The following AGBL1 variants were observed in gnomAD, a reference collection of about 807,000 sequenced individuals.
AGBL1 encodes the protein cytosolic carboxypeptidase 4.
AGBL1 carries 130 observed loss-of-function variants against 118.9 expected under a neutral mutation model. The ratio of observed to expected loss-of-function variants is 1.09; its 90% confidence interval spans 0.95 to 1.26. The LOEUF (loss-of-function observed/expected upper bound fraction) is 1.26. AGBL1 is among the 50% of genes most tolerant of loss of function. The pLI, the probability that AGBL1 is intolerant of heterozygous loss-of-function variation, is 0.00. For synonymous variants in AGBL1, 555 were observed against 478.9 expected (o/e 1.16, Z -2.08); for missense variants, 1,584 against 1,298.1 (o/e 1.22, Z -3.38).
intron 21 of AGBL1, among the ~76,000 whole-genome samples, chr15:86,592,118 C>T (rs1477730772): frequency 6.6e-6 from 1 of 152,144 alleles, no homozygotes; most frequent in Non-Finnish European, 1.5e-5. Context: ...AATTTGATCA[C>T]TTGGTTAAAG....
intron 22 of AGBL1, among the ~76,000 whole-genome samples, chr15:86,827,938 C>CTTTT (rs71144074): frequency 0.011 from 192 of 16,758 alleles, 54 homozygotes; most frequent in Middle Eastern, 0.1. Flanking sequence ...TGATGTAGGG[C>CTTTT]TTTTTTTTTT....
intron 20 of AGBL1, 119 bp downstream of exon 20, chr15:86,546,252 A>C: frequency 8.6e-7 from 1 of 1,163,254 alleles, no homozygotes; most frequent in Non-Finnish European, 1.1e-6. Flanking sequence ...TAAGCATTTT[A>C]ATTATTCTAA....
intron 22 of AGBL1, among the ~76,000 whole-genome samples, chr15:86,720,583 C>T (rs1031082521): frequency 2.0e-5 from 3 of 152,172 alleles, no homozygotes; most frequent in Non-Finnish European, 2.9e-5. Context: ...CTTTTCATTG[C>T]TCTGGTCAGG....
At chr15:86,135,098 G>A (rs1232464344) in intron 1 of AGBL1, among the ~76,000 whole-genome samples, 3 of 152,110 alleles carry the variant, frequency 2.0e-5, no homozygotes, top group Non-Finnish European at 4.4e-5. Context: ...TGGATCGTAG[G>A]GGCAGATCCC....
intron 18 of AGBL1, among the ~76,000 whole-genome samples, chr15:86,512,151 T>C (rs1271424257): frequency 3.3e-5 from 5 of 152,002 alleles, no homozygotes; most frequent in Admixed American, 2.6e-4. Context: ...GTCTTTAAAG[T>C]GCTGAATGTC....
intron 5 of AGBL1, among the ~76,000 whole-genome samples, chr15:86,164,914 G>A (rs1434582601): frequency 6.6e-6 from 1 of 152,160 alleles, no homozygotes; most frequent in Non-Finnish European, 1.5e-5. Context: ...CAGGAAGTCA[G>A]GAAGTGTTTT....
At chr15:86,484,199 T>A (rs1222976390) in intron 18 of AGBL1, among the ~76,000 whole-genome samples, 1 of 152,098 alleles carries the variant, frequency 6.6e-6, no homozygotes, top group African/African-American at 2.4e-5. Flanking sequence ...TGTGTGTAAT[T>A]GAGAACCTGT....
chr15:86,945,635 T>A (rs1300397746), intron 23 of AGBL1, among the ~76,000 whole-genome samples: 2 of 152,178 alleles, frequency 1.3e-5, no homozygotes, highest in African/African-American at 4.8e-5. Context: ...ATTGTGCCAC[T>A]GCACTTCAGT....
At chr15:86,104,993 G>A (rs1170092275) in intron 1 of AGBL1, 4 of 152,134 alleles carry the variant, frequency 2.6e-5, no homozygotes, top group Non-Finnish European at 5.9e-5. Flanking sequence ...AGCCTCTCCA[G>A]GATCCCAGGT....
At chr15:87,009,421 C>A (rs1028770059) in intron 24 of AGBL1, among the ~76,000 whole-genome samples, 2 of 152,160 alleles carry the variant, frequency 1.3e-5, no homozygotes, top group Admixed American at 6.5e-5. Context: ...TACAGAAATG[C>A]CTGGATGCCC....
intron 23 of AGBL1, among the ~76,000 whole-genome samples, chr15:86,982,836 A>C (rs541582683): frequency 1.3e-5 from 2 of 152,310 alleles, no homozygotes; most frequent in South Asian, 2.1e-4. Context: ...TGAGTAGTTA[A>C]GTTTCTGAGG....
At position 86,978,894 on chromosome 15, in the gene AGBL1, G is replaced by A. The variant is rs2081200996; in HGVS notation, c.3222-9093G>A. On this transcript the variant is annotated intron_variant, in intron 23 of 24. Transcript: ENST00000441037. The stretch of plus-strand genomic sequence containing the variant: ...GGATCCAGTCAGGGGGAACCCATAA[G>A]AGGTGGAGAATTGAGGCAGAAAACT... 2.0e-5 allele frequency among the ~76,000 whole-genome samples: 3 copies of A among 152,228 alleles called. No individual in the cohort carries two copies. In the South Asian group the frequency reaches 6.2e-4, roughly 31 times the overall value.
chr15:86,938,950 C>A (rs1452570677), intron 23 of AGBL1: 1 of 152,280 alleles, frequency 6.6e-6, no homozygotes, highest in East Asian at 1.9e-4. Context: ...AAAGGAGAAG[C>A]TCCAGCGTTG....
At chr15:86,469,271 C>G (rs1283666229) in intron 18 of AGBL1, among the ~76,000 whole-genome samples, 1 of 152,140 alleles carries the variant, frequency 6.6e-6, no homozygotes, top group African/African-American at 2.4e-5. Flanking sequence ...GGTAATCAAC[C>G]TTTGACTGAC....
chr15:86,423,362 A>G (rs2081818867), intron 18 of AGBL1, among the ~76,000 whole-genome samples: 1 of 152,200 alleles, frequency 6.6e-6, no homozygotes, highest in Non-Finnish European at 1.5e-5. Context: ...AAAGCCTTCA[A>G]TAAAATTCAA....
intron 22 of AGBL1, among the ~76,000 whole-genome samples, chr15:86,837,817 GT>G (rs1474366758): frequency 6.6e-6 from 1 of 152,146 alleles, no homozygotes; most frequent in Non-Finnish European, 1.5e-5. Flanking sequence ...GAAATCAGAA[GT>G]TTACTGGCTG....
rs954401938 is a variant in AGBL1 at position 86,967,711 on chromosome 15, C to G, written c.3222-20276C>G. ...TCTCTGTTTTGGTACCAGGACCATG[C>G]TGCTTTGGTTACTGTAGCCTTGTAG... On this transcript the variant is annotated intron_variant, in intron 23 of 24. Transcript: ENST00000441037. Among the ~76,000 whole-genome samples the G allele has an allele frequency of 3.3e-5, 5 of 152,230 alleles. No individual in the cohort carries two copies. The South Asian group carries it at 8.3e-4, about 25-fold the overall frequency.
intron 18 of AGBL1, among the ~76,000 whole-genome samples, chr15:86,456,468 G>T (rs1687695848): frequency 6.6e-6 from 1 of 152,128 alleles, no homozygotes; most frequent in Non-Finnish European, 1.5e-5. Flanking sequence ...AGGCAGCATG[G>T]GCACAGTAGA....
In AGBL1 at chr15:86,564,150, G is replaced by T. The variant is rs542658071; in HGVS notation, c.2994+9613G>T. ...TTTATATTTAAGGTTAATATTGTTA[G>T]GTGTGAATTTGATCCTGTCATTATA... On this transcript the variant is annotated intron_variant, in intron 21 of 22. Coordinates refer to ENST00000614907, the MANE Select transcript of AGBL1 (RefSeq NM_001386094.1). Among the ~76,000 whole-genome samples the T allele has an allele frequency of 1.8e-3, 271 of 152,178 alleles. 1 individual carries two copies. The highest frequency in any genetic ancestry group is 6.3e-3 in the African/African-American group (263 of 41,540).
Sources: allele counts gnomAD v4.1 joint callset (sites outside exome capture counted in the v4.1 genomes callset), GRCh38; gene constraint gnomAD v4.1.1; transcripts MANE v1.5; gene names NCBI Gene and HGNC (gene_info 2026-07-23, HGNC 2026-07-21).